TENM3: variants seen among roughly 807,000 people sequenced by gnomAD.
The protein encoded by TENM3 is teneurin transmembrane protein 3, also known as teneurin-3.
In TENM3, 63 loss-of-function variants were observed where a neutral mutation model predicts 255.1. The observed-to-expected ratio is 0.25, with a 90% CI of 0.20 to 0.30. The LOEUF (loss-of-function observed/expected upper bound fraction) is 0.30. TENM3 is among the 10% of genes least tolerant of loss of function. The pLI, the probability that TENM3 is intolerant of heterozygous loss-of-function variation, is 1.00. For missense variants in TENM3, 2,929 were observed against 3,461.1 expected (o/e 0.85, Z 3.86); for synonymous variants, 1,306 against 1,322.3 (o/e 0.99, Z 0.27).
rs371320549 is a variant in TENM3, at chr4:182,244,019, C to T, written c.-76+543C>T. Among the ~76,000 whole-genome samples, 127 of 134,810 alleles carry T rather than the reference C, an allele frequency of 9.4e-4. 2 individuals carry two copies. The East Asian group carries it at 0.014, about 14-fold the overall frequency. 88.4% of individuals were successfully genotyped at this position (134,810 alleles called of 152,430 possible). On this transcript the variant is annotated intron_variant, in intron 1 of 27. Transcript: ENST00000511685. ...CCCAGGCTGGAGTGCAGTGGCGTGA[C>T]CTCGGCTCACTGCAAGCTCCGCCTC...
chr4:182,414,238 G>A (rs2151097245), intron 3 of TENM3, among the ~76,000 whole-genome samples: 1 of 152,178 alleles, frequency 6.6e-6, no homozygotes, highest in East Asian at 1.9e-4. Context: ...GCCTAATTGT[G>A]GTGAGTGGAC....
intron 24 of TENM3, among the ~76,000 whole-genome samples, chr4:182,777,542 TATTTC>T (rs1764778547): frequency 7.3e-6 from 1 of 137,058 alleles, no homozygotes; most frequent in Non-Finnish European, 1.5e-5. Flanking sequence ...TGTGTGTGTG[TATTTC>T]TTTTTTTTTT....
At chr4:181,626,700 A>G in the TENM3 span, among the ~76,000 whole-genome samples, 1 of 152,178 alleles carries the variant, frequency 6.6e-6, no homozygotes, top group African/African-American at 2.4e-5. Flanking sequence ...AACACCTGCC[A>G]CTCAGCCCAG....
At chr4:182,769,764 A>G (rs1764029788) in intron 22 of TENM3, among the ~76,000 whole-genome samples, 1 of 149,938 alleles carries the variant, frequency 6.7e-6, no homozygotes, top group Admixed American at 6.7e-5. Flanking sequence ...AGCCTAGGCA[A>G]CAGAGCAAGA....
At chr4:182,170,766 A>C (rs1231230282) in intron 1 of TENM3, among the ~76,000 whole-genome samples, 1 of 152,232 alleles carries the variant, frequency 6.6e-6, no homozygotes, top group Non-Finnish European at 1.5e-5. Flanking sequence ...CAATAATAAA[A>C]TCACATTAGC....
chr4:181,503,928 C>T, the TENM3 span, among the ~76,000 whole-genome samples: 1 of 152,190 alleles, frequency 6.6e-6, no homozygotes, highest in Non-Finnish European at 1.5e-5. Flanking sequence ...GAAGTGTCTC[C>T]AAGCAGTGTA....
upstream of TENM3, among the ~76,000 whole-genome samples, chr4:182,239,447 T>C (rs1223875469): frequency 6.6e-6 from 1 of 152,186 alleles, no homozygotes; most frequent in Admixed American, 6.5e-5. Context: ...GCTTAATTTA[T>C]TGAATTCTTT....
At chr4:182,773,214 T>G (rs1360846094) in intron 22 of TENM3, among the ~76,000 whole-genome samples, 2 of 152,242 alleles carry the variant, frequency 1.3e-5, no homozygotes, top group Non-Finnish European at 2.9e-5. Flanking sequence ...AGGAGGATTT[T>G]GGTCACACTT....
chr4:182,125,248 G>A, the TENM3 span, among the ~76,000 whole-genome samples: 11 of 152,126 alleles, frequency 7.2e-5, no homozygotes, highest in South Asian at 2.1e-4. Context: ...TGTGCTACTC[G>A]CCCCTTCCAT....
intron 3 of TENM3, among the ~76,000 whole-genome samples, chr4:182,504,920 A>G (rs74525209): frequency 0.051 from 7,735 of 152,310 alleles, 232 homozygotes; most frequent in Middle Eastern, 0.092. Flanking sequence ...CTTGGGTATC[A>G]TGATGTTATA....
At chr4:182,730,796 A>G in intron 15 of TENM3, 82 bp from the exon 16 acceptor site, 1 of 1,435,496 alleles carries the variant, frequency 7.0e-7, no homozygotes, top group Non-Finnish European at 9.4e-7. Flanking sequence ...TTTCTTTATA[A>G]AGCATATTAA....
At chr4:182,748,118 A>G (rs1370592619) in intron 19 of TENM3, among the ~76,000 whole-genome samples, 1 of 152,230 alleles carries the variant, frequency 6.6e-6, no homozygotes, top group African/African-American at 2.4e-5. Flanking sequence ...TAATTGAATG[A>G]GACTAGAGAA....
the TENM3 span, among the ~76,000 whole-genome samples, chr4:182,095,164 C>T: frequency 2.0e-5 from 3 of 152,122 alleles, no homozygotes; most frequent in African/African-American, 4.8e-5. Flanking sequence ...ATCCAGCAAT[C>T]GCACTGCTGG....
the TENM3 span, among the ~76,000 whole-genome samples, chr4:182,089,423 C>T: frequency 6.6e-6 from 1 of 152,060 alleles, no homozygotes; most frequent in Non-Finnish European, 1.5e-5. Context: ...GGGTATGCCC[C>T]AACCTAAATC....
At chr4:181,624,174 C>T in the TENM3 span, among the ~76,000 whole-genome samples, 5 of 152,178 alleles carry the variant, frequency 3.3e-5, no homozygotes, top group African/African-American at 1.2e-4. Flanking sequence ...ACACCCCAAA[C>T]CCTCTGGCTA....
chr4:182,294,468 G>A lies in TENM3; in HGVS notation c.-75-29478G>A, dbSNP rs141874278. Among the ~76,000 whole-genome samples, 108 of 151,716 alleles carry A rather than the reference G, an allele frequency of 7.1e-4. 2 individuals carry two copies. The highest frequency in any genetic ancestry group is 2.5e-3 in the African/African-American group (103 of 41,322). On this transcript the variant is annotated intron_variant, in intron 1 of 27. Coordinates refer to ENST00000511685, the MANE Select transcript of TENM3 (RefSeq NM_001080477.4). ...AAGTGGGAAAGATAGAAGTATTTGT[G>A]TTCCAGCCTGGAATTGACATGGGGA...
At chr4:182,255,666 A>G (rs1379603239) in intron 1 of TENM3, among the ~76,000 whole-genome samples, 1 of 152,174 alleles carries the variant, frequency 6.6e-6, no homozygotes. Context: ...GACCAACAGC[A>G]GCCAGAGAGA....
the TENM3 span, among the ~76,000 whole-genome samples, chr4:182,083,557 C>T: frequency 7.9e-5 from 12 of 151,970 alleles, no homozygotes; most frequent in Non-Finnish European, 1.8e-4. Context: ...GCATTTTAGA[C>T]GTTAAAGGCA....
chr4:182,036,914 C>T, the TENM3 span, among the ~76,000 whole-genome samples: 1 of 152,074 alleles, frequency 6.6e-6, no homozygotes, highest in Admixed American at 6.5e-5. Context: ...GTCAACAGAT[C>T]TCAGTGTATT....
Sources: allele counts gnomAD v4.1 joint callset (sites outside exome capture counted in the v4.1 genomes callset), GRCh38; gene constraint gnomAD v4.1.1; transcripts MANE v1.5; gene names NCBI Gene and HGNC (gene_info 2026-07-23, HGNC 2026-07-21).